Variants in CHD2 observed in about 807,000 individuals in gnomAD.
The protein encoded by CHD2 is ATP-dependent chromatin remodeler CHD2.
A neutral mutation model predicts 243.9 loss-of-function variants in CHD2; 28 were observed. That is an observed-to-expected ratio of 0.11 (90% CI 0.09 to 0.16). The LOEUF is 0.16. Among genes scored for constraint, CHD2 ranks in the 10% least tolerant of loss-of-function variants. The pLI is 1.00. For synonymous variants in CHD2, 775 were observed against 779.0 expected (o/e 0.99, Z 0.09); for missense variants, 1,386 against 2,209.8 (o/e 0.63, Z 7.47).
At chr15:92,971,949 C>A in intron 18 of CHD2, 22 bp downstream of exon 18, 1 of 1,586,110 alleles carries the variant, frequency 6.3e-7, no homozygotes, top group Non-Finnish European at 8.5e-7. Context: ...CTCATAATTA[C>A]TTTCTCAAAA....
At chr15:92,914,878 C>T (rs938454537) in intron 2 of CHD2, 3 of 152,132 alleles carry the variant, frequency 2.0e-5, no homozygotes, top group Non-Finnish European at 2.9e-5. Context: ...CAACATAGTA[C>T]AAAAATGTGG....
chr15:93,023,659 ATT>A (rs2054559093), intron 38 of CHD2, among the ~76,000 whole-genome samples: 1 of 143,232 alleles, frequency 7.0e-6, no homozygotes. Flanking sequence ...GCCAACACTT[ATT>A]TCCTGGGTTT....
chr15:92,998,911 G>C lies in CHD2; in HGVS notation c.4008+290G>C, dbSNP rs889987642. On this transcript the variant is annotated intron_variant, in intron 31 of 38. Transcript: ENST00000394196. This position sits in a 1 kb window ranked among gnomAD's most constrained non-coding sequence, Gnocchi z 5.1. Reference sequence around the variant, plus strand: ...ATCCTGGCTAATATGGTGAAACCCCGTCTCTACTAAAAATACAAAAAAATT... The same window carrying C: ...ATCCTGGCTAATATGGTGAAACCCCCTCTCTACTAAAAATACAAAAAAATT... Among the ~76,000 whole-genome samples, 1 of 151,536 alleles carries C rather than the reference G, an allele frequency of 6.6e-6. No homozygotes were observed. The highest frequency in any genetic ancestry group is 2.4e-5 in the African/African-American group (1 of 41,224).
Position 92,900,364 on chromosome 15 carries a change from A to C in CHD2, c.-532A>C, listed in dbSNP as rs542268936. On this transcript the variant is annotated 5_prime_UTR_variant, in exon 1 of 39. Coordinates refer to ENST00000394196, the MANE Select transcript of CHD2 (RefSeq NM_001271.4). ...GCTCTAGATGGCGGCTGTGCCTTAGAGAGAGCGCGCTCTGCTCCCTGCCTT... is the reference window on the plus strand; with the variant it reads ...GCTCTAGATGGCGGCTGTGCCTTAGCGAGAGCGCGCTCTGCTCCCTGCCTT... The C allele has an allele frequency of 1.4e-3, 544 of 390,576 alleles. 1 individual carries two copies. Among genetic ancestry groups the C allele is most frequent in the Non-Finnish European group, 2.1e-3 (464 of 221,672 alleles). The allele number at this position is 390,576 out of a possible 1,614,324, so 24.2% of individuals were successfully genotyped here. A position where few individuals can be genotyped will look rare whatever the true frequency, so the allele number is the denominator to read the frequency against.
At chr15:92,932,364 A>G (rs542269647) in intron 5 of CHD2, among the ~76,000 whole-genome samples, 1 of 150,616 alleles carries the variant, frequency 6.6e-6, no homozygotes, top group Admixed American at 6.6e-5. Context: ...ACATATGTAT[A>G]CATGTGTCAT....
chr15:93,004,072 C>G (rs1219627119), intron 33 of CHD2, among the ~76,000 whole-genome samples: 1 of 146,036 alleles, frequency 6.8e-6, no homozygotes, highest in African/African-American at 2.6e-5. Flanking sequence ...TGCAGTGAGC[C>G]GAGATCATGA....
chr15:93,008,119 G>A (rs944939965), intron 34 of CHD2, among the ~76,000 whole-genome samples: 4 of 152,140 alleles, frequency 2.6e-5, no homozygotes, highest in East Asian at 3.8e-4. Context: ...CCTCTGGGGC[G>A]GTCACATTTT....
At chr15:92,999,796 A>G (rs2054230859) in intron 31 of CHD2, among the ~76,000 whole-genome samples, 1 of 151,842 alleles carries the variant, frequency 6.6e-6, no homozygotes, top group Admixed American at 6.6e-5. Flanking sequence ...CAGTATTTTA[A>G]CCTTTTCCTT....
At chr15:92,953,047 G>A (rs1367790133) in intron 13 of CHD2, among the ~76,000 whole-genome samples, 1 of 152,198 alleles carries the variant, frequency 6.6e-6, no homozygotes. Context: ...TACAAAGCCT[G>A]TCTTCTCTGT....
At chr15:92,995,634 G>A (rs2054177888) in intron 28 of CHD2, among the ~76,000 whole-genome samples, 1 of 151,982 alleles carries the variant, frequency 6.6e-6, no homozygotes. Flanking sequence ...GTAGATAGAT[G>A]TCAATTCACA....
chr15:93,016,066 T>C (rs1380614671), intron 37 of CHD2, among the ~76,000 whole-genome samples: 1 of 152,200 alleles, frequency 6.6e-6, no homozygotes, highest in Admixed American at 6.6e-5. Flanking sequence ...TACATATTCA[T>C]TGCAGCATTA....
At chr15:92,926,197 T>C (rs553345881) in intron 3 of CHD2, among the ~76,000 whole-genome samples, 1 of 152,346 alleles carries the variant, frequency 6.6e-6, no homozygotes, top group South Asian at 2.1e-4. Flanking sequence ...GATCTTGAGC[T>C]CCTGAACTCA....
intron 37 of CHD2, among the ~76,000 whole-genome samples, chr15:93,018,895 C>G (rs1158190800): frequency 6.6e-6 from 1 of 152,204 alleles, no homozygotes; most frequent in African/African-American, 2.4e-5. Flanking sequence ...TTAATTACAT[C>G]TGCAAAGACC....
chr15:92,979,791 G>A (rs1041356792), intron 22 of CHD2, among the ~76,000 whole-genome samples: 12 of 152,016 alleles, frequency 7.9e-5, no homozygotes, highest in Admixed American at 2.0e-4. Context: ...GGTGGCAGGC[G>A]CCTGTAGTCT....
chr15:92,923,835 A>T (rs1422293814), intron 2 of CHD2, among the ~76,000 whole-genome samples: 1 of 152,086 alleles, frequency 6.6e-6, no homozygotes, highest in African/African-American at 2.4e-5. Context: ...AAGTGCTGGG[A>T]TTACAGGCAT....
intron 34 of CHD2, among the ~76,000 whole-genome samples, chr15:93,008,497 G>A (rs893172184): frequency 2.0e-4 from 30 of 152,180 alleles, no homozygotes; most frequent in Non-Finnish European, 4.4e-4. Context: ...TGCCGTGTAA[G>A]TCAGGTTAGT....
chr15:92,902,954 C>G (rs1353878830), intron 2 of CHD2, among the ~76,000 whole-genome samples: 1 of 152,132 alleles, frequency 6.6e-6, no homozygotes, highest in Non-Finnish European at 1.5e-5. Context: ...GGAAAACTAC[C>G]TGGAAGTTGT....
At chr15:92,975,929 A>G (rs2053901611) in intron 20 of CHD2, among the ~76,000 whole-genome samples, 1 of 152,172 alleles carries the variant, frequency 6.6e-6, no homozygotes, top group Admixed American at 6.5e-5. Flanking sequence ...GTCATCAACT[A>G]ATTCCCATTC....
chr15:92,905,393 A>G lies in CHD2; in HGVS notation c.62+4094A>G, dbSNP rs1294066247. Among the ~76,000 whole-genome samples, 2 of 152,206 alleles carry G rather than the reference A, an allele frequency of 1.3e-5. 1 individual carries two copies. Among genetic ancestry groups the G allele is most frequent in the African/African-American group, 4.8e-5 (2 of 41,440 alleles). The stretch of plus-strand genomic sequence containing the variant: ...ATGTCTTAATAATTAAATTACACAT[A>G]CTGAATTTAAGCAAGCAAGAAATTC... On this transcript the variant is annotated intron_variant, in intron 2 of 38. Transcript: ENST00000394196.
Sources: gnomAD v4.1 joint callset for allele counts (sites outside exome capture counted in the v4.1 genomes callset) on GRCh38, gnomAD v4.1.1 for gene constraint, Gnocchi (gnomAD v3.1) non-coding constraint, MANE v1.5 for transcripts, NCBI Gene and HGNC (gene_info 2026-07-23, HGNC 2026-07-21) for gene names.